CSMD1: variants seen among roughly 807,000 people sequenced by gnomAD.
CSMD1 encodes CUB and sushi domain-containing protein 1.
Under a neutral mutation model 417.5 loss-of-function variants are expected in CSMD1, and 213 were observed. The observed-to-expected ratio is 0.51, with a 90% confidence interval of 0.46 to 0.57. The LOEUF is 0.57. CSMD1 is among the 20% of genes least tolerant of loss of function. The probability of loss-of-function intolerance (pLI) is 0.00; values close to 1 mark genes in which losing one functional copy is unlikely to be tolerated. For synonymous variants in CSMD1, 2,862 were observed against 1,736.8 expected (o/e 1.65, Z -16.11); for missense variants, 6,923 against 4,529.7 (o/e 1.53, Z -15.17).
intron 50 of CSMD1, among the ~76,000 whole-genome samples, chr8:3,035,539 A>T (rs1228471325): frequency 6.6e-6 from 1 of 152,172 alleles, no homozygotes; most frequent in Non-Finnish European, 1.5e-5. Context: ...AAATGACTAA[A>T]ATGAGTAACT....
At chr8:3,565,231 T>G (rs145299126) in intron 10 of CSMD1, among the ~76,000 whole-genome samples, 1 of 131,590 alleles carries the variant, frequency 7.6e-6, no homozygotes, top group Non-Finnish European at 1.6e-5. Flanking sequence ...GACAGATAGA[T>G]AGATTAATGA....
intron 3 of CSMD1, among the ~76,000 whole-genome samples, chr8:4,372,585 C>A (rs914439172): frequency 6.7e-6 from 1 of 150,296 alleles, no homozygotes; most frequent in African/African-American, 2.4e-5. Context: ...TTGAGGTACA[C>A]TTAAAACAAG....
intron 2 of CSMD1, among the ~76,000 whole-genome samples, chr8:4,502,565 A>T (rs1802312820): frequency 6.6e-6 from 1 of 152,210 alleles, no homozygotes; most frequent in Non-Finnish European, 1.5e-5. Context: ...GTTATTTCAG[A>T]CAAAAAACTT....
At chr8:4,362,251 G>A in intron 3 of CSMD1, among the ~76,000 whole-genome samples, 1 of 152,032 alleles carries the variant, frequency 6.6e-6, no homozygotes, top group East Asian at 1.9e-4. Context: ...TTTTCCATGA[G>A]AGGGGATTTC....
chr8:3,920,505 T>C (rs1489696232), intron 5 of CSMD1, among the ~76,000 whole-genome samples: 1 of 152,134 alleles, frequency 6.6e-6, no homozygotes, highest in African/African-American at 2.4e-5. Flanking sequence ...GCTAGGACTT[T>C]CAGTACTATA....
chr8:4,085,535 G>C (rs932403609), intron 3 of CSMD1, among the ~76,000 whole-genome samples: 2 of 151,964 alleles, frequency 1.3e-5, no homozygotes, highest in Non-Finnish European at 2.9e-5. Context: ...TCCGTTCTTT[G>C]TAACCCTAAT....
chr8:3,073,794 CA>C (rs5888941), intron 49 of CSMD1, among the ~76,000 whole-genome samples: 59,388 of 145,858 alleles, frequency 0.41, 11,943 homozygotes, highest in Admixed American at 0.42. Context: ...AAAAAATTAC[CA>C]AAAAAAAAAA....
chr8:3,422,037 C>G (rs1813524260), intron 12 of CSMD1, among the ~76,000 whole-genome samples: 1 of 152,150 alleles, frequency 6.6e-6, no homozygotes, highest in South Asian at 2.1e-4. Context: ...AGAGCGTGAG[C>G]CACCATGTCC....
At position 3,339,479 on chromosome 8, in the gene CSMD1, G is replaced by C. The variant is rs532495143; in HGVS notation, c.3631+3815C>G. 3.9e-5 allele frequency among the ~76,000 whole-genome samples: 6 copies of C among 152,250 alleles called. No homozygotes were observed. In the South Asian group the frequency reaches 1.2e-3, roughly 32 times the overall value. ...TAGGCTCAGAATTCTGGTTCCATCGGTGTACCCAAAATAGATTTATCTCAT... is the reference window on the plus strand; with the variant it reads ...TAGGCTCAGAATTCTGGTTCCATCGCTGTACCCAAAATAGATTTATCTCAT... On this transcript the variant is annotated intron_variant, in intron 23 of 69. Transcript: ENST00000635120.
chr8:4,449,832 C>A (rs776596430), intron 2 of CSMD1, among the ~76,000 whole-genome samples: 1 of 152,130 alleles, frequency 6.6e-6, no homozygotes, highest in Non-Finnish European at 1.5e-5. Flanking sequence ...CCTACGTTCC[C>A]TATCTCAGTA....
intron 3 of CSMD1, among the ~76,000 whole-genome samples, chr8:4,341,075 G>C (rs1283426051): frequency 2.0e-5 from 3 of 152,076 alleles, no homozygotes; most frequent in African/African-American, 7.2e-5. Context: ...TAAAACTTGG[G>C]AAAGAATAGT....
intron 12 of CSMD1, among the ~76,000 whole-genome samples, chr8:3,421,772 G>A (rs992374692): frequency 6.6e-6 from 1 of 152,128 alleles, no homozygotes; most frequent in African/African-American, 2.4e-5. Context: ...AGAGTAGCTG[G>A]GACTGCAGGT....
At chr8:3,119,940 A>C (rs1052688589) in intron 41 of CSMD1, among the ~76,000 whole-genome samples, 1 of 152,134 alleles carries the variant, frequency 6.6e-6, no homozygotes, top group Non-Finnish European at 1.5e-5. Context: ...TCATAAAATA[A>C]AGTCTCCGAG....
intron 10 of CSMD1, among the ~76,000 whole-genome samples, chr8:3,551,601 T>G (rs944623173): frequency 0.031 from 4,106 of 130,462 alleles, 130 homozygotes; most frequent in African/African-American, 0.1. Flanking sequence ...TATATATTTT[T>G]TTTTTTTTTT....
intron 2 of CSMD1, among the ~76,000 whole-genome samples, chr8:4,468,672 T>C (rs1349359529): frequency 6.6e-6 from 1 of 152,158 alleles, no homozygotes; most frequent in Non-Finnish European, 1.5e-5. Context: ...TCTCCTCCCC[T>C]GGACTGTATG....
chr8:4,579,279 G>A (rs952591276), intron 2 of CSMD1, among the ~76,000 whole-genome samples: 4 of 149,594 alleles, frequency 2.7e-5, no homozygotes, highest in Non-Finnish European at 4.5e-5. Flanking sequence ...ATATATATAT[G>A]TATATATATA....
intron 2 of CSMD1, among the ~76,000 whole-genome samples, chr8:4,536,797 T>C (rs1213242595): frequency 6.6e-6 from 1 of 152,242 alleles, no homozygotes; most frequent in Non-Finnish European, 1.5e-5. Context: ...ATAGCACCTG[T>C]ATCATTTTAT....
At chr8:3,395,278 A>T (rs568339889) in intron 17 of CSMD1, among the ~76,000 whole-genome samples, 2 of 152,292 alleles carry the variant, frequency 1.3e-5, no homozygotes, top group Admixed American at 1.3e-4. Flanking sequence ...TAAAAGTCTG[A>T]TTCCTTCAGG....
chr8:4,351,607 C>T (rs1388802322), intron 3 of CSMD1, among the ~76,000 whole-genome samples: 1 of 152,124 alleles, frequency 6.6e-6, no homozygotes, highest in Non-Finnish European at 1.5e-5. Context: ...GAGACTTCAA[C>T]TTGTTGTGGG....
Sources: gnomAD v4.1 joint callset for allele counts (sites outside exome capture counted in the v4.1 genomes callset) on GRCh38, gnomAD v4.1.1 for gene constraint, MANE v1.5 for transcripts, NCBI Gene and HGNC (gene_info 2026-07-23, HGNC 2026-07-21) for gene names.